Variants in EXOC2 observed in about 807,000 individuals in gnomAD.
EXOC2 encodes the protein exocyst complex component 2, also known as SEC5-like 1.
EXOC2 carries 70 observed loss-of-function variants against 131.8 expected under a neutral mutation model. The ratio of observed to expected loss-of-function variants is 0.53; its 90% CI spans 0.44 to 0.65. The LOEUF is 0.65. Ranked by LOEUF, EXOC2 falls within the 30% of genes least tolerant of loss-of-function variation. EXOC2 has a pLI of 0.00. For missense variants in EXOC2, 923 were observed against 1,108.6 expected (o/e 0.83, Z 2.38); for synonymous variants, 411 against 398.4 (o/e 1.03, Z -0.38).
chr6:551,264 G>A (rs1057330446), intron 21 of EXOC2, among the ~76,000 whole-genome samples: 4 of 152,170 alleles, frequency 2.6e-5, no homozygotes, highest in African/African-American at 7.2e-5. Flanking sequence ...CACAGGATGC[G>A]AACCAGTGTC....
In EXOC2 at chr6:556,576, A is replaced by T; in HGVS notation, c.1852-12T>A. On this transcript the variant is annotated splice_polypyrimidine_tract_variant and intron_variant, in intron 17 of 27. Transcript: ENST00000230449. Reference sequence around the variant, plus strand: ...TCAAACTGACATGGCTGAAGGGAAAACAGCATATTGTAAAACTCAAAAATG... The same window carrying T: ...TCAAACTGACATGGCTGAAGGGAAATCAGCATATTGTAAAACTCAAAAATG... The T allele has an allele frequency of 1.2e-6, 2 of 1,614,014 alleles. No individual in the cohort carries two copies. Among genetic ancestry groups the T allele is most frequent in the Non-Finnish European group, 1.7e-6 (2 of 1,179,970 alleles).
chr6:556,143 C>T (rs538533962), intron 18 of EXOC2, 130 bp from the exon 19 acceptor site: 25 of 827,492 alleles, frequency 3.0e-5, no homozygotes, highest in African/African-American at 1.7e-4. Context: ...TAAAAGGAGG[C>T]GTGCGAAGAG....
chr6:630,780 C>T (rs940978686), intron 3 of EXOC2, among the ~76,000 whole-genome samples: 6 of 152,054 alleles, frequency 3.9e-5, no homozygotes, highest in African/African-American at 1.2e-4. Flanking sequence ...GATTTTTTTC[C>T]GTATTAGGCT....
At chr6:575,659 C>T (rs186802919) in intron 12 of EXOC2, among the ~76,000 whole-genome samples, 1 of 152,346 alleles carries the variant, frequency 6.6e-6, no homozygotes, top group Non-Finnish European at 1.5e-5. Flanking sequence ...AGCCAATAAA[C>T]CTCTTTTCTT....
chr6:656,410 C>G (rs138864432), intron 1 of EXOC2: 2 of 1,614,090 alleles, frequency 1.2e-6, no homozygotes, highest in Non-Finnish European at 8.5e-7. Flanking sequence ...TCCACCAGCA[C>G]GTGACTGCCC....
chr6:589,808 G>T (rs959723809), intron 11 of EXOC2, among the ~76,000 whole-genome samples: 1 of 152,180 alleles, frequency 6.6e-6, no homozygotes, highest in East Asian at 1.9e-4. Context: ...TTGATAACTG[G>T]TTGTTAAAAA....
intron 1 of EXOC2, among the ~76,000 whole-genome samples, chr6:641,107 C>T (rs572509246): frequency 3.7e-4 from 56 of 152,092 alleles, no homozygotes; most frequent in African/African-American, 1.3e-3. Flanking sequence ...GCACAAAAGG[C>T]GGATGTGTGT....
intron 23 of EXOC2, among the ~76,000 whole-genome samples, chr6:501,011 T>C (rs1407703692): frequency 6.8e-6 from 1 of 146,082 alleles, no homozygotes; most frequent in Non-Finnish European, 1.5e-5. Flanking sequence ...ATCAAGGGCA[T>C]AGGTATATAT....
chr6:626,705 C>A (rs1256524569), intron 4 of EXOC2, among the ~76,000 whole-genome samples: 1 of 152,132 alleles, frequency 6.6e-6, no homozygotes, highest in Non-Finnish European at 1.5e-5. Context: ...GATTCTCCTG[C>A]CTCAGCCTCC....
At chr6:529,978 G>T (rs1765982389) in intron 23 of EXOC2, among the ~76,000 whole-genome samples, 1 of 152,252 alleles carries the variant, frequency 6.6e-6, no homozygotes, top group Non-Finnish European at 1.5e-5. Context: ...TAGTTAAACA[G>T]ACAGACGTGC....
chr6:667,229 T>C lies in EXOC2; in HGVS notation c.-44+25790A>G, dbSNP rs1196161079. Among the ~76,000 whole-genome samples, 4 of 98,256 alleles carry C rather than the reference T, an allele frequency of 4.1e-5. 1 individual carries two copies. The highest frequency in any genetic ancestry group is 7.3e-5 in the Non-Finnish European group (3 of 41,308). The allele number at this position is 98,256 out of a possible 152,430, so 64.5% of individuals were successfully genotyped here. Reference sequence around the variant, plus strand: ...CTACATCATTATCACTGTTGTTTTTTGATGAATATCTTTTAGTGTTTCTTA... The same window carrying C: ...CTACATCATTATCACTGTTGTTTTTCGATGAATATCTTTTAGTGTTTCTTA... On this transcript the variant is annotated intron_variant, in intron 1 of 27. Transcript: ENST00000230449.
intron 22 of EXOC2, among the ~76,000 whole-genome samples, chr6:548,485 T>C (rs56036079): frequency 0.049 from 7,459 of 152,368 alleles, 250 homozygotes; most frequent in Non-Finnish European, 0.071. Context: ...CTTCATTTTT[T>C]CCTTTTCTGC....
intron 7 of EXOC2, among the ~76,000 whole-genome samples, chr6:603,455 G>C (rs1760214875): frequency 6.6e-6 from 1 of 152,146 alleles, no homozygotes; most frequent in Admixed American, 6.5e-5. Context: ...ATGGAACTGA[G>C]GAAAGAGCTG....
At chr6:599,675 G>A (rs980124204) in intron 7 of EXOC2, among the ~76,000 whole-genome samples, 1 of 152,178 alleles carries the variant, frequency 6.6e-6, no homozygotes, top group Admixed American at 6.5e-5. Flanking sequence ...TCATTTTCAG[G>A]AAAGTTGCTC....
At position 592,495 on chromosome 6, in the gene EXOC2, T is replaced by G. The variant is rs1434501936; in HGVS notation, c.1166A>C (p.Lys389Thr). The change falls in exon 11 of 28, where the codon AAA becomes ACA. Residue 389 changes from lysine (K) to threonine (T), a missense_variant. Transcript: ENST00000230449. ...KWILQLMHSC[K>T]EGYVKDLKGN... The stretch of plus-strand genomic sequence containing the variant: ...TTTCAGATCTTTCACGTAGCCCTCT[T>G]TGCAACTGTGCATGAGCTGAAGGAT... 1 of 1,614,014 alleles carries G rather than the reference T, an allele frequency of 6.2e-7. No individual in the cohort carries two copies. Among genetic ancestry groups the G allele is most frequent in the Non-Finnish European group, 8.5e-7 (1 of 1,179,928 alleles).
chr6:619,385 A>G (rs766244215), intron 5 of EXOC2, 45 bp downstream of exon 5: 18 of 1,460,678 alleles, frequency 1.2e-5, no homozygotes, highest in Non-Finnish European at 1.6e-5. Context: ...CATCTTTAGC[A>G]TCTGAGTGAA....
intron 23 of EXOC2, among the ~76,000 whole-genome samples, chr6:529,400 CT>C (rs1225779465): frequency 8.2e-5 from 9 of 110,376 alleles, no homozygotes; most frequent in Admixed American, 8.1e-4. Flanking sequence ...TGAGAGAGGG[CT>C]GGCAAAGAAA....
At chr6:523,002 A>G (rs1765559169) in intron 23 of EXOC2, among the ~76,000 whole-genome samples, 1 of 152,274 alleles carries the variant, frequency 6.6e-6, no homozygotes, top group African/African-American at 2.4e-5. Flanking sequence ...AAACCTGAAC[A>G]AAAATGAACT....
intron 22 of EXOC2, among the ~76,000 whole-genome samples, chr6:536,612 T>C (rs967807628): frequency 2.6e-5 from 4 of 152,122 alleles, no homozygotes; most frequent in African/African-American, 9.7e-5. Flanking sequence ...AAGAACAAAG[T>C]TGGAAGACTC....
Sources: allele counts gnomAD v4.1 joint callset (sites outside exome capture counted in the v4.1 genomes callset), GRCh38; gene constraint gnomAD v4.1.1; transcripts MANE v1.5; gene names NCBI Gene and HGNC (gene_info 2026-07-23, HGNC 2026-07-21).